Variants in KCNN2 observed in about 807,000 individuals in gnomAD.
KCNN2 encodes the protein potassium calcium-activated channel subfamily N member 2.
KCNN2 carries 24 observed loss-of-function variants against 55.5 expected under a neutral mutation model. The observed-to-expected ratio is 0.43, with a 90% CI of 0.31 to 0.61. The LOEUF (loss-of-function observed/expected upper bound fraction) is 0.61. KCNN2 is among the 20% of genes least tolerant of loss of function. The pLI is 0.08. For missense variants in KCNN2, 754 were observed against 853.6 expected, an observed-to-expected ratio of 0.88 and a Z score of 1.45; for synonymous variants, 431 against 336.1, an observed-to-expected ratio of 1.28 and a Z score of -3.09.
chr5:114,364,745 G>A (rs1331075118), intron 2 of KCNN2, among the ~76,000 whole-genome samples: 1 of 151,706 alleles, frequency 6.6e-6, no homozygotes, highest in African/African-American at 2.4e-5. Context: ...AGCCTACACA[G>A]GAATATTAAG....
At chr5:114,222,584 C>A (rs1161543466) in intron 2 of KCNN2, among the ~76,000 whole-genome samples, 1 of 152,146 alleles carries the variant, frequency 6.6e-6, no homozygotes, top group African/African-American at 2.4e-5. Context: ...AATTTGCGAA[C>A]TGTACTATAT....
chr5:114,256,663 G>A (rs962846560), intron 2 of KCNN2, among the ~76,000 whole-genome samples: 1 of 151,934 alleles, frequency 6.6e-6, no homozygotes, highest in Non-Finnish European at 1.5e-5. Flanking sequence ...TTTACCATTT[G>A]TATGTCTTCC....
chr5:114,385,529 A>G (rs1018926204), intron 2 of KCNN2, among the ~76,000 whole-genome samples: 18 of 149,900 alleles, frequency 1.2e-4, no homozygotes, highest in Non-Finnish European at 2.1e-4. Flanking sequence ...GCACACACAC[A>G]CACACACACA....
intron 2 of KCNN2, among the ~76,000 whole-genome samples, chr5:114,366,723 T>C (rs1367316929): frequency 1.3e-5 from 2 of 152,186 alleles, no homozygotes; most frequent in Non-Finnish European, 2.9e-5. Context: ...TTTTTACTTA[T>C]TGATGTCACT....
chr5:114,250,427 T>G (rs1460590111), intron 2 of KCNN2, among the ~76,000 whole-genome samples: 2 of 152,146 alleles, frequency 1.3e-5, no homozygotes, highest in Non-Finnish European at 2.9e-5. Flanking sequence ...TAGAGAGTGC[T>G]CGCCTAGTGT....
At chr5:114,416,372 C>T (rs1221012037) in intron 3 of KCNN2, among the ~76,000 whole-genome samples, 1 of 152,002 alleles carries the variant, frequency 6.6e-6, no homozygotes, top group African/African-American at 2.4e-5. Context: ...TGTAGCTAGA[C>T]ATTGTGAAAA....
intron 2 of KCNN2, among the ~76,000 whole-genome samples, chr5:114,333,029 T>C (rs1359035023): frequency 6.6e-6 from 1 of 152,196 alleles, no homozygotes; most frequent in Non-Finnish European, 1.5e-5. Flanking sequence ...TTAACCTTAG[T>C]AGATGCATTT....
intron 4 of KCNN2, among the ~76,000 whole-genome samples, chr5:114,468,944 T>TCAAATATTATGTGATACATG (rs1761577505): frequency 6.6e-6 from 1 of 152,210 alleles, no homozygotes. Context: ...TTTTAATTTT[T>TCAAATATTATGTGATACATG]CAAATATTAT....
At chr5:114,147,728 G>T (rs1752427725) in intron 1 of KCNN2, among the ~76,000 whole-genome samples, 1 of 152,264 alleles carries the variant, frequency 6.6e-6, no homozygotes, top group Non-Finnish European at 1.5e-5. Flanking sequence ...CCTAGGATTG[G>T]TCTGAGATAA....
intron 2 of KCNN2, among the ~76,000 whole-genome samples, chr5:114,372,433 C>G (rs1228257371): frequency 2.0e-5 from 3 of 152,092 alleles, no homozygotes; most frequent in Non-Finnish European, 2.9e-5. Flanking sequence ...TTATTAAAAC[C>G]TTATTAAAAT....
chr5:114,123,701 T>C (rs1406056618), intron 1 of KCNN2, among the ~76,000 whole-genome samples: 1 of 152,170 alleles, frequency 6.6e-6, no homozygotes, highest in Non-Finnish European at 1.5e-5. Context: ...AATAAAAAGG[T>C]CCCTCTTGTC....
At chr5:114,491,987 T>G (rs1445894905) in intron 6 of KCNN2, among the ~76,000 whole-genome samples, 2 of 152,188 alleles carry the variant, frequency 1.3e-5, no homozygotes, top group Admixed American at 6.5e-5. Context: ...AATTTTAGAC[T>G]AGGACATATT....
At chr5:114,239,968 G>C (rs185920946) in intron 2 of KCNN2, among the ~76,000 whole-genome samples, 1 of 152,100 alleles carries the variant, frequency 6.6e-6, no homozygotes, top group East Asian at 1.9e-4. Context: ...AAGGTAATTC[G>C]TATATTATTG....
At chr5:114,383,847 A>G (rs1758200436) in intron 2 of KCNN2, among the ~76,000 whole-genome samples, 1 of 152,230 alleles carries the variant, frequency 6.6e-6, no homozygotes, top group South Asian at 2.1e-4. Context: ...GATGCAGTAT[A>G]AGAGAAGTCA....
chr5:114,083,844 C>G (rs1442977081), intron 1 of KCNN2, among the ~76,000 whole-genome samples: 3 of 152,068 alleles, frequency 2.0e-5, no homozygotes, highest in Admixed American at 1.3e-4. Context: ...CCTAGTCATC[C>G]CTCTCTTCCC....
chr5:114,140,590 A>C (rs1003279661), intron 1 of KCNN2, among the ~76,000 whole-genome samples: 1 of 152,028 alleles, frequency 6.6e-6, no homozygotes, highest in African/African-American at 2.4e-5. Flanking sequence ...TGAAGAGAAA[A>C]ATTTTTATAC....
intron 2 of KCNN2, among the ~76,000 whole-genome samples, chr5:114,244,981 TG>T (rs1389161903): frequency 6.6e-6 from 1 of 152,198 alleles, no homozygotes; most frequent in African/African-American, 2.4e-5. Flanking sequence ...AAAATATTAA[TG>T]GCTGTCAAAT....
chr5:114,384,211 A>G (rs1008629699), intron 2 of KCNN2, among the ~76,000 whole-genome samples: 1 of 152,214 alleles, frequency 6.6e-6, no homozygotes, highest in African/African-American at 2.4e-5. Context: ...ATGATATTCA[A>G]ACACTTGGTT....
intron 2 of KCNN2, among the ~76,000 whole-genome samples, chr5:114,392,801 G>A (rs1156328530): frequency 1.5e-5 from 2 of 131,726 alleles, no homozygotes; most frequent in Non-Finnish European, 1.7e-5. Flanking sequence ...AGTGTTTTTT[G>A]TGGGGTTTTT....
Sources: allele counts gnomAD v4.1 joint callset (sites outside exome capture counted in the v4.1 genomes callset), GRCh38; gene constraint gnomAD v4.1.1; transcripts MANE v1.5; gene names NCBI Gene and HGNC (gene_info 2026-07-23, HGNC 2026-07-21).